The following COP1 variants were observed in gnomAD, a reference collection of about 807,000 sequenced individuals.
The protein encoded by COP1 is E3 ubiquitin-protein ligase COP1.
A neutral mutation model predicts 101.3 loss-of-function variants in COP1; 24 were observed. The ratio of observed to expected loss-of-function variants is 0.24; its 90% CI spans 0.17 to 0.33. The LOEUF (loss-of-function observed/expected upper bound fraction) is 0.33, where lower values mean the gene tolerates loss of function less well. Ranked by LOEUF, COP1 falls within the 10% of genes least tolerant of loss-of-function variation. The pLI, the probability that COP1 is intolerant of heterozygous loss-of-function variation, is 1.00. For missense variants in COP1, 663 were observed against 906.2 expected, an observed-to-expected ratio of 0.73 and a Z score of 3.45; for synonymous variants, 347 against 341.9, an observed-to-expected ratio of 1.01 and a Z score of -0.17.
intron 1 of COP1, among the ~76,000 whole-genome samples, chr1:176,201,937 A>G (rs1023595039): frequency 6.6e-6 from 1 of 152,244 alleles, no homozygotes; most frequent in Admixed American, 6.5e-5. Context: ...GGTTTATTCC[A>G]GTAACTGAAC....
chr1:176,166,955 A>G (rs1695245136), intron 3 of COP1, among the ~76,000 whole-genome samples: 1 of 152,220 alleles, frequency 6.6e-6, no homozygotes, highest in African/African-American at 2.4e-5. Flanking sequence ...AAAAATTTTT[A>G]AAAAACTATA....
At chr1:175,975,080 T>C (rs1654197540) in intron 18 of COP1, among the ~76,000 whole-genome samples, 1 of 152,146 alleles carries the variant, frequency 6.6e-6, no homozygotes, top group Non-Finnish European at 1.5e-5. Flanking sequence ...AGGAAATCTC[T>C]TCCTAAGGAT....
At chr1:176,162,606 G>A (rs1011058994) in intron 5 of COP1, among the ~76,000 whole-genome samples, 13 of 152,054 alleles carry the variant, frequency 8.5e-5, no homozygotes, top group Non-Finnish European at 1.5e-4. Flanking sequence ...CTATGAAAAC[G>A]AAACTTTACT....
chr1:175,972,919 G>A (rs1019700245), intron 18 of COP1, among the ~76,000 whole-genome samples: 3 of 151,966 alleles, frequency 2.0e-5, no homozygotes, highest in Admixed American at 6.5e-5. Flanking sequence ...CACAACCTCC[G>A]CCTCCCAGAT....
chr1:176,028,956 G>A (rs911216987), intron 14 of COP1, among the ~76,000 whole-genome samples: 1 of 151,122 alleles, frequency 6.6e-6, no homozygotes, highest in African/African-American at 2.4e-5. Flanking sequence ...GTTTCATCAC[G>A]TTGCTGAGAT....
intron 9 of COP1, among the ~76,000 whole-genome samples, chr1:176,097,557 CT>C (rs200919116): frequency 0.018 from 2,679 of 151,846 alleles, 45 homozygotes; most frequent in African/African-American, 0.042. Context: ...TAAAAAAGCT[CT>C]TTTTTTTATA....
chr1:176,018,125 A>C (rs553484433), intron 15 of COP1, among the ~76,000 whole-genome samples: 1 of 152,318 alleles, frequency 6.6e-6, no homozygotes, highest in East Asian at 1.9e-4. Flanking sequence ...TAAAACCTTA[A>C]AGATGCACTA....
intron 5 of COP1, among the ~76,000 whole-genome samples, chr1:176,152,161 T>C (rs530721913): frequency 1.3e-5 from 2 of 152,162 alleles, no homozygotes; most frequent in Admixed American, 1.3e-4. Context: ...CATAGTGGCA[T>C]GTGCCTACGG....
intron 9 of COP1, among the ~76,000 whole-genome samples, chr1:176,090,239 C>CCA (rs946345078): frequency 1.3e-5 from 2 of 152,136 alleles, no homozygotes; most frequent in African/African-American, 4.8e-5. Flanking sequence ...TCCTGCCTTT[C>CCA]CAGATCGAAT....
At chr1:176,182,155 T>G (rs1223596602) in intron 2 of COP1, among the ~76,000 whole-genome samples, 1 of 152,180 alleles carries the variant, frequency 6.6e-6, no homozygotes, top group Non-Finnish European at 1.5e-5. Context: ...GATATGTAAG[T>G]TACAGGACAC....
chr1:176,172,847 A>T (rs1696291998), intron 3 of COP1, among the ~76,000 whole-genome samples: 1 of 152,230 alleles, frequency 6.6e-6, no homozygotes, highest in South Asian at 2.1e-4. Context: ...CACCTAGTGT[A>T]AGACCTTAGG....
intron 9 of COP1, among the ~76,000 whole-genome samples, chr1:176,099,345 T>C (rs541150715): frequency 6.6e-6 from 1 of 152,356 alleles, no homozygotes; most frequent in South Asian, 2.1e-4. Context: ...CTAAATGAAC[T>C]GAACTCACCA....
chr1:176,039,216 T>G (rs913019287), intron 14 of COP1, among the ~76,000 whole-genome samples: 1 of 151,706 alleles, frequency 6.6e-6, no homozygotes, highest in African/African-American at 2.4e-5. Context: ...AACACATACA[T>G]CAAAAAAGGA....
intron 9 of COP1, chr1:176,100,280 T>C (rs1009067616): frequency 1.4e-5 from 3 of 221,018 alleles, no homozygotes; most frequent in Non-Finnish European, 2.8e-5. Flanking sequence ...TCCCAGCTAC[T>C]TGGGAGGGTG....
chr1:176,175,771 C>T (rs1696849086), intron 3 of COP1, 139 bp downstream of exon 3: 3 of 444,966 alleles, frequency 6.7e-6, no homozygotes, highest in Non-Finnish European at 1.2e-5. Flanking sequence ...TGTCACAACC[C>T]AAGAAGAGGA....
intron 14 of COP1, among the ~76,000 whole-genome samples, chr1:176,037,133 T>C (rs909695540): frequency 6.6e-6 from 1 of 152,180 alleles, no homozygotes; most frequent in South Asian, 2.1e-4. Context: ...CCAGGCGCAG[T>C]GGCTCAAGCC....
Position 175,947,699 on chromosome 1 carries a change from G to A in COP1, c.2134-460C>T, listed in dbSNP as rs138278471. Among the ~76,000 whole-genome samples the A allele has an allele frequency of 2.6e-3, 399 of 152,180 alleles. 3 individuals are homozygous for A. Among genetic ancestry groups the A allele is most frequent in the African/African-American group, 9.2e-3 (381 of 41,538 alleles). On this transcript the variant is annotated intron_variant, in intron 18 of 19. Coordinates refer to ENST00000367669, the MANE Select transcript of COP1 (RefSeq NM_022457.7). ...AGACAATTTTAACATGTTTTTAACT[G>A]TATTTTAAACTTAAGATCCCATATT... is the stretch of plus-strand genomic sequence containing the variant.
intron 9 of COP1, among the ~76,000 whole-genome samples, chr1:176,096,231 T>C (rs183660937): frequency 2.6e-5 from 4 of 152,310 alleles, no homozygotes; most frequent in East Asian, 3.9e-4. Context: ...CCTCTCACTT[T>C]CGCTTCTGAG....
chr1:176,017,388 G>A (rs1466866486), intron 15 of COP1: 1 of 152,178 alleles, frequency 6.6e-6, no homozygotes, highest in African/African-American at 2.4e-5. Flanking sequence ...TGGATACTGC[G>A]ACAGGACTGG....
Sources: gnomAD v4.1 joint callset for allele counts (sites outside exome capture counted in the v4.1 genomes callset) on GRCh38, gnomAD v4.1.1 for gene constraint, MANE v1.5 for transcripts, NCBI Gene and HGNC (gene_info 2026-07-23, HGNC 2026-07-21) for gene names.